Variants in TMEM108 observed in about 807,000 individuals in gnomAD.
TMEM108 encodes the protein transmembrane protein 108, also known as cancer/testis antigen 124.
In TMEM108, 12 loss-of-function variants were observed where a neutral mutation model predicts 35.1. The observed-to-expected ratio is 0.34, with a 90% CI of 0.22 to 0.55. The LOEUF is 0.55. TMEM108 is among the 20% of genes least tolerant of loss of function. The pLI, the probability that TMEM108 is intolerant of heterozygous loss-of-function variation, is 0.89. For synonymous variants in TMEM108, 287 were observed against 308.6 expected (o/e 0.93, Z 0.73); for missense variants, 680 against 753.3 (o/e 0.90, Z 1.14).
intron 2 of TMEM108, among the ~76,000 whole-genome samples, chr3:133,224,721 C>T (rs1018605432): frequency 4.6e-5 from 7 of 152,110 alleles, no homozygotes; most frequent in Admixed American, 1.3e-4. Context: ...GTCCATTAAA[C>T]GTCTTTTTCT....
At chr3:133,124,996 A>G (rs1186686429) in intron 2 of TMEM108, 2 of 152,194 alleles carry the variant, frequency 1.3e-5, no homozygotes, top group Non-Finnish European at 2.9e-5. Context: ...GGAAAATTAT[A>G]TGGGGAGCTC....
chr3:133,167,600 G>A (rs149814254), intron 2 of TMEM108, among the ~76,000 whole-genome samples: 5 of 152,356 alleles, frequency 3.3e-5, no homozygotes, highest in African/African-American at 9.6e-5. Flanking sequence ...GCAGTGCTGG[G>A]GGACCTGGTG....
chr3:133,314,121 A>ATT (rs1393446629), intron 3 of TMEM108, among the ~76,000 whole-genome samples: 1 of 152,174 alleles, frequency 6.6e-6, no homozygotes, highest in Non-Finnish European at 1.5e-5. Context: ...TCCTGCAGGA[A>ATT]TTTTTAAGAG....
intron 3 of TMEM108, among the ~76,000 whole-genome samples, chr3:133,337,698 G>A (rs2071538232): frequency 6.6e-6 from 1 of 152,020 alleles, no homozygotes; most frequent in Non-Finnish European, 1.5e-5. Flanking sequence ...CTCACCAAAT[G>A]AACTTAAATA....
intron 3 of TMEM108, among the ~76,000 whole-genome samples, chr3:133,290,720 C>T (rs1179392768): frequency 6.6e-6 from 1 of 152,084 alleles, no homozygotes; most frequent in Non-Finnish European, 1.5e-5. Flanking sequence ...AGGAACTAGC[C>T]TGCATCAGAT....
chr3:133,179,233 T>C (rs1945290200), intron 2 of TMEM108, among the ~76,000 whole-genome samples: 2 of 152,106 alleles, frequency 1.3e-5, no homozygotes. Context: ...TCAACCATTG[T>C]GGAAGTCAGT....
intron 2 of TMEM108, among the ~76,000 whole-genome samples, chr3:133,166,461 C>T (rs111394819): frequency 0.041 from 6,196 of 152,250 alleles, 425 homozygotes; most frequent in African/African-American, 0.14. Context: ...TCGCAGTGAG[C>T]GTTACAGTTC....
intron 2 of TMEM108, among the ~76,000 whole-genome samples, chr3:133,149,000 C>T (rs1026105077): frequency 6.6e-6 from 1 of 151,932 alleles, no homozygotes; most frequent in African/African-American, 2.4e-5. Flanking sequence ...CTGTCTCAAA[C>T]AAAACAAAAC....
intron 3 of TMEM108, among the ~76,000 whole-genome samples, chr3:133,342,505 C>T (rs2071685755): frequency 1.1e-5 from 1 of 89,106 alleles, no homozygotes; most frequent in Non-Finnish European, 2.3e-5. Flanking sequence ...TATATAACCA[C>T]AAAAATTAAA....
intron 2 of TMEM108, among the ~76,000 whole-genome samples, chr3:133,159,483 C>T (rs1267650713): frequency 1.3e-5 from 2 of 152,174 alleles, no homozygotes; most frequent in East Asian, 3.8e-4. Context: ...TTTGAGGGCT[C>T]TTGCACCTTA....
At chr3:133,265,684 A>G (rs1212314082) in intron 3 of TMEM108, among the ~76,000 whole-genome samples, 1 of 152,200 alleles carries the variant, frequency 6.6e-6, no homozygotes, top group Non-Finnish European at 1.5e-5. Flanking sequence ...GAAAGCCTGA[A>G]TGAGATCATT....
chr3:133,207,173 T>C (rs577008473), intron 2 of TMEM108, among the ~76,000 whole-genome samples: 4 of 152,240 alleles, frequency 2.6e-5, no homozygotes, highest in Non-Finnish European at 5.9e-5. Flanking sequence ...AAGCATAGTA[T>C]CTGCATTGGA....
intron 2 of TMEM108, among the ~76,000 whole-genome samples, chr3:133,147,069 A>G (rs973579064): frequency 5.3e-5 from 8 of 152,144 alleles, no homozygotes; most frequent in Non-Finnish European, 8.8e-5. Context: ...TCGATTGTAG[A>G]TCTTTCCTGC....
chr3:133,224,135 G>C (rs1023163516), intron 2 of TMEM108, among the ~76,000 whole-genome samples: 1 of 151,328 alleles, frequency 6.6e-6, no homozygotes, highest in Non-Finnish European at 1.5e-5. Flanking sequence ...CTCTTCTCTT[G>C]TTATTGATCA....
chr3:133,337,140 A>C (rs1477370962), intron 3 of TMEM108, among the ~76,000 whole-genome samples: 1 of 152,176 alleles, frequency 6.6e-6, no homozygotes, highest in Non-Finnish European at 1.5e-5. Flanking sequence ...GCTGCCCAGA[A>C]GGAAAGGAAA....
At chr3:133,355,099 C>T (rs2072122585) in intron 3 of TMEM108, among the ~76,000 whole-genome samples, 2 of 152,184 alleles carry the variant, frequency 1.3e-5, no homozygotes. Flanking sequence ...CACGTGACTT[C>T]CAGTGCACAG....
intron 3 of TMEM108, among the ~76,000 whole-genome samples, chr3:133,345,422 T>TA (rs1219275478): frequency 6.6e-6 from 1 of 151,830 alleles, no homozygotes; most frequent in Non-Finnish European, 1.5e-5. Context: ...GATATGTTCT[T>TA]ATCCTAACAC....
chr3:133,084,629 A>G (rs1468582640), intron 2 of TMEM108, among the ~76,000 whole-genome samples: 10 of 152,174 alleles, frequency 6.6e-5, no homozygotes, highest in Admixed American at 6.6e-4. Flanking sequence ...ACAATAGCTA[A>G]TATTTGACGT....
At chr3:133,319,853 T>A (rs2071244402) in intron 3 of TMEM108, among the ~76,000 whole-genome samples, 1 of 152,152 alleles carries the variant, frequency 6.6e-6, no homozygotes, top group Non-Finnish European at 1.5e-5. Flanking sequence ...CATGAGTCCT[T>A]CATGAGACCA....
Sources: allele counts gnomAD v4.1 joint callset (sites outside exome capture counted in the v4.1 genomes callset), GRCh38; gene constraint gnomAD v4.1.1; transcripts MANE v1.5; gene names NCBI Gene and HGNC (gene_info 2026-07-23, HGNC 2026-07-21).